Variants in TAF2 observed in about 807,000 individuals in gnomAD.
The protein encoded by TAF2 is transcription initiation factor TFIID subunit 2.
A neutral mutation model predicts 138.5 loss-of-function variants in TAF2; 61 were observed. The observed-to-expected ratio is 0.44, with a 90% confidence interval of 0.36 to 0.54. The LOEUF (loss-of-function observed/expected upper bound fraction) is 0.54, where lower values mean the gene tolerates loss of function less well. Ranked by LOEUF, TAF2 falls within the 20% of genes least tolerant of loss-of-function variation. TAF2 has a pLI of 0.00. For synonymous variants in TAF2, 475 were observed against 469.9 expected (o/e 1.01, Z -0.14); for missense variants, 1,090 against 1,427.9 (o/e 0.76, Z 3.81).
At chr8:119,771,425 G>A (rs574991004) in intron 18 of TAF2, among the ~76,000 whole-genome samples, 4 of 152,024 alleles carry the variant, frequency 2.6e-5, no homozygotes, top group East Asian at 1.9e-4. Flanking sequence ...CAGTAGAGAC[G>A]AGGTTTCACC....
chr8:119,814,465 T>A (rs890455847), intron 3 of TAF2, among the ~76,000 whole-genome samples: 2 of 151,950 alleles, frequency 1.3e-5, no homozygotes, highest in Non-Finnish European at 2.9e-5. Context: ...CACAGCAATT[T>A]AAAAAAATCA....
intron 2 of TAF2, among the ~76,000 whole-genome samples, chr8:119,829,276 C>T (rs1403227580): frequency 1.3e-5 from 2 of 152,106 alleles, no homozygotes; most frequent in Non-Finnish European, 2.9e-5. Flanking sequence ...ATATTAATTA[C>T]CCCAGATTCC....
chr8:119,765,617 T>G (rs1454996922), intron 18 of TAF2, among the ~76,000 whole-genome samples: 2 of 152,190 alleles, frequency 1.3e-5, no homozygotes, highest in East Asian at 3.8e-4. Context: ...AACTTACTTA[T>G]AAGCACTGGA....
chr8:119,812,095 A>G (rs984510370), intron 3 of TAF2, among the ~76,000 whole-genome samples: 7 of 152,144 alleles, frequency 4.6e-5, no homozygotes, highest in African/African-American at 1.7e-4. Context: ...TTTTAAAGAC[A>G]AAAAAGAGGG....
chr8:119,739,503 G>C (rs545569937), intron 25 of TAF2, among the ~76,000 whole-genome samples: 55 of 152,004 alleles, frequency 3.6e-4, no homozygotes, highest in African/African-American at 1.3e-3. Flanking sequence ...GGGAAAACTG[G>C]GGAAGCAAGG....
At chr8:119,808,826 T>G (rs1202291853) in intron 3 of TAF2, among the ~76,000 whole-genome samples, 1 of 152,222 alleles carries the variant, frequency 6.6e-6, no homozygotes, top group African/African-American at 2.4e-5. Context: ...ATCTCAACAG[T>G]GGGCTTAAAA....
intron 22 of TAF2, among the ~76,000 whole-genome samples, chr8:119,750,444 AGCACTC>A: frequency 6.6e-6 from 1 of 152,370 alleles, no homozygotes; most frequent in Admixed American, 6.5e-5. Context: ...GAATAAACCC[AGCACTC>A]CTTATTGATG....
rs185457154 is a variant in TAF2, at chr8:119,794,908, T to A, written c.1191+624A>T. 4.6e-3 allele frequency among the ~76,000 whole-genome samples: 701 copies of A among 152,252 alleles called. 4 individuals are homozygous for A. Among genetic ancestry groups the A allele is most frequent in the African/African-American group, 0.016 (682 of 41,550 alleles). On this transcript the variant is annotated intron_variant, in intron 9 of 25. Transcript: ENST00000378164. ...TGATAAGGTTTGTTTAATGAAGATA[T>A]GAAAGGCTGCAATTCTTCCACCTGA...
rs766074204 is a variant in TAF2 at position 119,801,983 on chromosome 8, T to C, written c.603A>G (p.Thr201=). Residue 201 remains threonine (T), a synonymous_variant, in exon 6 of 26, where the codon ACA becomes ACG. Transcript: ENST00000378164. Reference sequence around the variant, plus strand: ...CATCTACTGTAAATTCTAATTTCCATGTACACAATTCAGAGTATGAATCAA... The same window carrying C: ...CATCTACTGTAAATTCTAATTTCCACGTACACAATTCAGAGTATGAATCAA... ...PCVDSYSELC[T]WKLEFTVDAA... 3.7e-6 allele frequency: 6 copies of C among 1,614,110 alleles called. No homozygotes were observed. In the Admixed American group the frequency reaches 5.0e-5, roughly 13 times the overall value.
intron 2 of TAF2, among the ~76,000 whole-genome samples, chr8:119,830,523 C>T (rs1055412689): frequency 5.9e-5 from 9 of 152,110 alleles, no homozygotes; most frequent in African/African-American, 2.2e-4. Context: ...ACTCAAGTAT[C>T]CTACTATATA....
chr8:119,802,500 T>C (rs1432894265), intron 5 of TAF2, among the ~76,000 whole-genome samples: 4 of 152,246 alleles, frequency 2.6e-5, no homozygotes, highest in Non-Finnish European at 5.9e-5. Context: ...AAGTTAGATA[T>C]AAAATTTATA....
intron 17 of TAF2, among the ~76,000 whole-genome samples, chr8:119,780,568 G>A (rs1173612865): frequency 6.6e-6 from 1 of 152,136 alleles, no homozygotes. Context: ...TAATATTAAT[G>A]TGGCCAATGA....
intron 25 of TAF2, among the ~76,000 whole-genome samples, chr8:119,740,512 A>AAT (rs2130988056): frequency 6.7e-6 from 1 of 149,988 alleles, no homozygotes; most frequent in South Asian, 2.1e-4. Flanking sequence ...AAAAAAAAAA[A>AAT]AAATTAGCCG....
chr8:119,797,159 G>C, intron 7 of TAF2, 56 bp from the exon 8 acceptor site: 11 of 1,218,982 alleles, frequency 9.0e-6, no homozygotes, highest in Admixed American at 5.4e-5. Flanking sequence ...TACTTATTCA[G>C]TGAAAATAAA....
At chr8:119,831,647 AC>A in intron 2 of TAF2, 29 bp downstream of exon 2, 1 of 1,541,856 alleles carries the variant, frequency 6.5e-7, no homozygotes, top group Non-Finnish European at 9.0e-7. Context: ...TGGACTTGTT[AC>A]TATTTATAAT....
chr8:119,813,998 C>T (rs1367196624), intron 3 of TAF2, among the ~76,000 whole-genome samples: 1 of 152,038 alleles, frequency 6.6e-6, no homozygotes, highest in Admixed American at 6.6e-5. Context: ...GTGGCATGCA[C>T]ATATTGTTCC....
chr8:119,742,851 G>A (rs1174090298), intron 24 of TAF2, among the ~76,000 whole-genome samples, 195 bp from the exon 25 acceptor site: 1 of 152,082 alleles, frequency 6.6e-6, no homozygotes, highest in Non-Finnish European at 1.5e-5. Context: ...GGAGGCTGAG[G>A]AGGGAGGATC....
intron 8 of TAF2, among the ~76,000 whole-genome samples, chr8:119,796,721 A>G (rs1823851618): frequency 6.6e-6 from 1 of 152,124 alleles, no homozygotes; most frequent in South Asian, 2.1e-4. Flanking sequence ...GTTAGGATAA[A>G]ACTTATAATC....
Position 119,746,858 on chromosome 8 carries a change from G to C in TAF2, c.2955C>G (p.Ser985=), listed in dbSNP as rs1037332596. ...ACCCAAGCTCTGGCAAGGGTAAACA[G>C]GAAGGTCTACTGAGGCCAAAAAGTG... ...YFTLFGLSRP[S]CLPLPELGLV... Residue 985 remains serine (S), a synonymous_variant, in exon 23 of 26, where the codon TCC becomes TCG. Coordinates refer to ENST00000378164, the MANE Select transcript of TAF2 (RefSeq NM_003184.4). 1.2e-6 allele frequency: 2 copies of C among 1,613,966 alleles called. No homozygotes were observed. The highest frequency in any genetic ancestry group is 1.3e-5 in the African/African-American group (1 of 74,896).
Sources: gnomAD v4.1 joint callset for allele counts (sites outside exome capture counted in the v4.1 genomes callset) on GRCh38, gnomAD v4.1.1 for gene constraint, MANE v1.5 for transcripts, NCBI Gene and HGNC (gene_info 2026-07-23, HGNC 2026-07-21) for gene names.